The following XKR6 variants were observed in gnomAD, a reference collection of about 807,000 sequenced individuals.
The protein encoded by XKR6 is XK related 6, also known as XK-related protein 6.
In XKR6, 22 loss-of-function variants were observed where a neutral mutation model predicts 56.7. That is an observed-to-expected ratio of 0.39 (90% CI 0.28 to 0.55). The LOEUF (loss-of-function observed/expected upper bound fraction) is 0.55, where lower values mean the gene tolerates loss of function less well. Among genes scored for constraint, XKR6 ranks in the 20% least tolerant of loss-of-function variants. The pLI, the probability that XKR6 is intolerant of heterozygous loss-of-function variation, is 0.66. For missense variants in XKR6, 852 were observed against 889.0 expected (o/e 0.96, Z 0.53); for synonymous variants, 524 against 387.8 (o/e 1.35, Z -4.13).
At chr8:11,127,184 C>A (rs1169675275) in intron 1 of XKR6, among the ~76,000 whole-genome samples, 1 of 152,150 alleles carries the variant, frequency 6.6e-6, no homozygotes, top group Non-Finnish European at 1.5e-5. Context: ...ACTAGAATTC[C>A]ACCAGACTGT....
chr8:11,175,036 T>C (rs537239327), intron 1 of XKR6: 5 of 152,378 alleles, frequency 3.3e-5, no homozygotes, highest in East Asian at 1.9e-4. Context: ...CGGCCTGAGG[T>C]GATCTGTGAA....
At chr8:11,001,274 T>C (rs1210903156) in intron 1 of XKR6, among the ~76,000 whole-genome samples, 1 of 146,412 alleles carries the variant, frequency 6.8e-6, no homozygotes, top group Non-Finnish European at 1.5e-5. Flanking sequence ...GGCCAGCTAG[T>C]GAATAAATGG....
chr8:11,126,993 G>A (rs1281608495), intron 1 of XKR6, among the ~76,000 whole-genome samples: 1 of 152,120 alleles, frequency 6.6e-6, no homozygotes, highest in Non-Finnish European at 1.5e-5. Context: ...AAAGCAACTG[G>A]TCATCTAACA....
intron 1 of XKR6, among the ~76,000 whole-genome samples, chr8:10,967,301 C>T (rs1162427772): frequency 1.3e-5 from 2 of 152,220 alleles, no homozygotes; most frequent in African/African-American, 4.8e-5. Flanking sequence ...TGAGATGACA[C>T]CTGAGTTGCT....
At chr8:10,919,407 G>A (rs754344418) in intron 2 of XKR6, among the ~76,000 whole-genome samples, 1 of 152,144 alleles carries the variant, frequency 6.6e-6, no homozygotes, top group Non-Finnish European at 1.5e-5. Context: ...TTTTTGTGCT[G>A]TGTCCCCAGA....
intron 1 of XKR6, among the ~76,000 whole-genome samples, chr8:11,073,180 T>A (rs1019459405): frequency 1.3e-5 from 2 of 152,238 alleles, no homozygotes; most frequent in African/African-American, 2.4e-5. Flanking sequence ...TATCGTCACC[T>A]TTCCCAAAAT....
intron 1 of XKR6, among the ~76,000 whole-genome samples, chr8:11,016,605 G>A (rs1188396894): frequency 6.6e-6 from 1 of 152,144 alleles, no homozygotes; most frequent in Non-Finnish European, 1.5e-5. Flanking sequence ...TGGCTGCAGC[G>A]CGGGCCCTCG....
chr8:11,060,161 G>A (rs1453486662), intron 1 of XKR6, among the ~76,000 whole-genome samples: 3 of 152,164 alleles, frequency 2.0e-5, no homozygotes, highest in Non-Finnish European at 4.4e-5. Flanking sequence ...GGTGGCAGGC[G>A]GAGATAAAGA....
chr8:10,949,993 C>T (rs1801670101), intron 1 of XKR6, among the ~76,000 whole-genome samples: 1 of 152,204 alleles, frequency 6.6e-6, no homozygotes, highest in Admixed American at 6.5e-5. Flanking sequence ...AAAGAACCCA[C>T]AGGGCTGTAG....
intron 1 of XKR6, among the ~76,000 whole-genome samples, chr8:11,113,548 A>G (rs2129180575): frequency 6.6e-6 from 1 of 152,342 alleles, no homozygotes; most frequent in East Asian, 1.9e-4. Context: ...ACACATACAT[A>G]AAACATTACA....
intron 1 of XKR6, among the ~76,000 whole-genome samples, chr8:11,112,607 C>G (rs1020575173): frequency 1.3e-5 from 2 of 152,156 alleles, no homozygotes; most frequent in South Asian, 4.1e-4. Context: ...GTTCAGAGTT[C>G]ATATTTCCAA....
At chr8:10,985,667 T>A (rs1298111484) in intron 1 of XKR6, among the ~76,000 whole-genome samples, 6 of 150,750 alleles carry the variant, frequency 4.0e-5, no homozygotes, top group African/African-American at 1.5e-4. Context: ...CAAAAAAACC[T>A]CTCATAAAAC....
chr8:10,931,613 T>C (rs1801051466), intron 1 of XKR6, among the ~76,000 whole-genome samples: 1 of 152,166 alleles, frequency 6.6e-6, no homozygotes, highest in African/African-American at 2.4e-5. Context: ...TTATGGCCAA[T>C]TGGTTTTTTA....
chr8:11,007,960 A>T (rs541034953), intron 1 of XKR6, among the ~76,000 whole-genome samples: 1 of 152,228 alleles, frequency 6.6e-6, no homozygotes, highest in South Asian at 2.1e-4. Flanking sequence ...AGCAGAGCAA[A>T]GCAGCATGGG....
intron 1 of XKR6, among the ~76,000 whole-genome samples, chr8:11,092,468 G>A (rs189655505): frequency 6.6e-6 from 1 of 152,304 alleles, no homozygotes; most frequent in South Asian, 2.1e-4. Context: ...TCTAGGTTTA[G>A]GGGGGTAGGT....
chr8:11,093,454 G>C (rs557060531), intron 1 of XKR6, among the ~76,000 whole-genome samples: 2 of 152,334 alleles, frequency 1.3e-5, no homozygotes, highest in South Asian at 2.1e-4. Context: ...TCTGCGAGCA[G>C]TTCTGGTGCT....
chr8:10,956,212 T>A (rs1341958660), intron 1 of XKR6, among the ~76,000 whole-genome samples: 1 of 152,250 alleles, frequency 6.6e-6, no homozygotes, highest in Non-Finnish European at 1.5e-5. Flanking sequence ...TACAGTTTTC[T>A]AGGGCTGATC....
chr8:11,154,266 C>T (rs763832940), intron 1 of XKR6, among the ~76,000 whole-genome samples: 3 of 152,180 alleles, frequency 2.0e-5, no homozygotes, highest in Non-Finnish European at 4.4e-5. Flanking sequence ...GGCAATCAAT[C>T]AATCAAACAT....
intron 1 of XKR6, among the ~76,000 whole-genome samples, chr8:11,003,660 C>T (rs769741517): frequency 6.6e-6 from 1 of 152,246 alleles, no homozygotes; most frequent in South Asian, 2.1e-4. Context: ...AGAAGCCATG[C>T]AGCCTGCTCA....
Sources: gnomAD v4.1 joint callset for allele counts (sites outside exome capture counted in the v4.1 genomes callset) on GRCh38, gnomAD v4.1.1 for gene constraint, MANE v1.5 for transcripts, NCBI Gene and HGNC (gene_info 2026-07-23, HGNC 2026-07-21) for gene names.